The following CNBD1 variants were observed in gnomAD, a reference collection of about 807,000 sequenced individuals.
The protein encoded by CNBD1 is cyclic nucleotide binding domain containing 1, also known as cyclic nucleotide-binding domain-containing protein 1.
Under a neutral mutation model 54.4 loss-of-function variants are expected in CNBD1, and 71 were observed. The ratio of observed to expected loss-of-function variants is 1.30; its 90% confidence interval spans 1.08 to 1.59. CNBD1 has a LOEUF of 1.59. Ranked by LOEUF, CNBD1 falls within the 40% of genes most tolerant of loss-of-function variation. CNBD1 has a pLI of 0.00. For missense variants in CNBD1, 659 were observed against 518.0 expected, an observed-to-expected ratio of 1.27 and a Z score of -2.64; for synonymous variants, 182 against 170.7, an observed-to-expected ratio of 1.07 and a Z score of -0.51.
intron 4 of CNBD1, among the ~76,000 whole-genome samples, chr8:86,998,904 C>A (rs933470441): frequency 6.6e-6 from 1 of 152,124 alleles, no homozygotes; most frequent in Admixed American, 6.6e-5. Context: ...CACAATCCAC[C>A]TCTGTGTAAC....
At chr8:87,428,192 A>T (rs1228987595) in intron 2 of CNBD1, among the ~76,000 whole-genome samples, 1 of 152,098 alleles carries the variant, frequency 6.6e-6, no homozygotes, top group Non-Finnish European at 1.5e-5. Flanking sequence ...CAAAAAACCC[A>T]AATATCTAGT....
At chr8:87,388,985 A>G (rs541990605) in intron 2 of CNBD1, among the ~76,000 whole-genome samples, 12 of 152,334 alleles carry the variant, frequency 7.9e-5, no homozygotes, top group South Asian at 2.1e-4. Context: ...TATAAACAGA[A>G]CCAACGACAA....
chr8:87,050,490 A>T (rs1160335969), intron 4 of CNBD1, among the ~76,000 whole-genome samples: 1 of 152,218 alleles, frequency 6.6e-6, no homozygotes, highest in Non-Finnish European at 1.5e-5. Context: ...ACTAAGAGAG[A>T]TCTCTCAAAA....
At chr8:87,214,033 A>G (rs922596685) in intron 5 of CNBD1, among the ~76,000 whole-genome samples, 6 of 152,262 alleles carry the variant, frequency 3.9e-5, no homozygotes, top group Middle Eastern at 3.4e-3. Context: ...CTTTAACTCT[A>G]TGTCTCACAT....
At chr8:87,285,866 G>A (rs11774108) in intron 7 of CNBD1, among the ~76,000 whole-genome samples, 45,657 of 152,014 alleles carry the variant, frequency 0.3, 7,648 homozygotes, top group African/African-American at 0.46. Flanking sequence ...GTGAAACTCC[G>A]TCTCAAAAAT....
intron 4 of CNBD1, among the ~76,000 whole-genome samples, chr8:86,958,930 T>C (rs1052963604): frequency 1.3e-5 from 2 of 152,230 alleles, no homozygotes; most frequent in Non-Finnish European, 2.9e-5. Flanking sequence ...GTTGATGCAG[T>C]TTGTTCCTAG....
chr8:87,003,609 C>CTTTAT (rs749511932), intron 4 of CNBD1, among the ~76,000 whole-genome samples: 11 of 152,044 alleles, frequency 7.2e-5, no homozygotes, highest in East Asian at 1.9e-4. Flanking sequence ...AGATAAATCC[C>CTTTAT]TTTATTTTAT....
rs182683961 is a variant in CNBD1 at position 87,359,061 on chromosome 8, C to G, written c.1303+5275C>G. Among the ~76,000 whole-genome samples, 39 of 152,280 alleles carry G rather than the reference C, an allele frequency of 2.6e-4. No homozygotes were observed. The East Asian group carries it at 6.9e-3, about 27-fold the overall frequency. ...CATCTGGAAATGTTTTACCAGCTATCTGGGCATCCCTTAGCCCAGTCAAGG... is the reference window on the plus strand; with the variant it reads ...CATCTGGAAATGTTTTACCAGCTATGTGGGCATCCCTTAGCCCAGTCAAGG... On this transcript the variant is annotated intron_variant, in intron 10 of 10. Transcript: ENST00000518476.
chr8:87,151,184 G>A (rs187815860), intron 4 of CNBD1, among the ~76,000 whole-genome samples: 15 of 152,290 alleles, frequency 9.8e-5, no homozygotes, highest in African/African-American at 2.9e-4. Context: ...TCATTAAGAT[G>A]TCATCGTTTT....
intron 4 of CNBD1, among the ~76,000 whole-genome samples, chr8:87,130,865 G>A (rs1812104158): frequency 6.7e-6 from 1 of 149,828 alleles, no homozygotes; most frequent in South Asian, 2.1e-4. Context: ...TATTAATTTT[G>A]TCCATTTTTT....
At chr8:87,312,238 A>G (rs1809283176) in intron 8 of CNBD1, among the ~76,000 whole-genome samples, 1 of 152,080 alleles carries the variant, frequency 6.6e-6, no homozygotes, top group Non-Finnish European at 1.5e-5. Flanking sequence ...GACATAATCT[A>G]TTTTTAACAA....
intron 8 of CNBD1, among the ~76,000 whole-genome samples, chr8:87,341,094 C>A (rs1415961523): frequency 6.6e-6 from 1 of 152,124 alleles, no homozygotes; most frequent in Admixed American, 6.5e-5. Context: ...CAAGCCTTTT[C>A]TTTAGATGTA....
intron 4 of CNBD1, among the ~76,000 whole-genome samples, chr8:87,016,795 A>T (rs988330758): frequency 2.0e-5 from 3 of 152,226 alleles, no homozygotes; most frequent in Non-Finnish European, 4.4e-5. Flanking sequence ...AGTAGGCCAG[A>T]TAATGCCCAT....
intron 8 of CNBD1, among the ~76,000 whole-genome samples, chr8:87,327,937 T>C (rs371951771): frequency 5.9e-5 from 9 of 152,282 alleles, no homozygotes; most frequent in African/African-American, 2.2e-4. Flanking sequence ...AGAGTCTGTG[T>C]GATTTTTTTT....
intron 2 of CNBD1, among the ~76,000 whole-genome samples, chr8:87,421,233 A>C (rs917504594): frequency 7.3e-5 from 11 of 149,980 alleles, no homozygotes; most frequent in Non-Finnish European, 1.2e-4. Context: ...TTTCTTTTTT[A>C]TTTTTTTATT....
intron 6 of CNBD1, among the ~76,000 whole-genome samples, chr8:87,240,282 GT>G (rs1157291852): frequency 1.3e-5 from 2 of 152,048 alleles, no homozygotes; most frequent in Non-Finnish European, 2.9e-5. Context: ...GAACTTTCTA[GT>G]TTGTTAAAGT....
intron 5 of CNBD1, among the ~76,000 whole-genome samples, chr8:87,213,119 T>A (rs1814135916): frequency 6.6e-6 from 1 of 152,178 alleles, no homozygotes; most frequent in Non-Finnish European, 1.5e-5. Context: ...ATTATTGTCA[T>A]TAAGCAATTC....
chr8:87,137,503 G>A (rs1812281234), intron 4 of CNBD1, among the ~76,000 whole-genome samples: 1 of 151,928 alleles, frequency 6.6e-6, no homozygotes, highest in Non-Finnish European at 1.5e-5. Flanking sequence ...CGGCCGGCCA[G>A]ATTCCAATTT....
At chr8:87,414,021 G>C (rs1164171844) in intron 2 of CNBD1, among the ~76,000 whole-genome samples, 4 of 151,822 alleles carry the variant, frequency 2.6e-5, no homozygotes, top group Non-Finnish European at 5.9e-5. Context: ...CCCATTACTG[G>C]GTATATACCC....
Sources: allele counts gnomAD v4.1 joint callset (sites outside exome capture counted in the v4.1 genomes callset), GRCh38; gene constraint gnomAD v4.1.1; transcripts MANE v1.5; gene names NCBI Gene and HGNC (gene_info 2026-07-23, HGNC 2026-07-21).